The following AGAP1 variants were observed in gnomAD, a reference collection of about 807,000 sequenced individuals.
The protein encoded by AGAP1 is arf-GAP with GTPase, ANK repeat and PH domain-containing protein 1.
AGAP1 carries 29 observed loss-of-function variants against 105.3 expected under a neutral mutation model. The ratio of observed to expected loss-of-function variants is 0.28; its 90% CI spans 0.21 to 0.38. AGAP1 has a LOEUF of 0.38. Ranked by LOEUF, AGAP1 falls within the 10% of genes least tolerant of loss-of-function variation. The probability of loss-of-function intolerance (pLI) is 1.00; values close to 1 mark genes in which losing one functional copy is unlikely to be tolerated. For missense variants in AGAP1, 998 were observed against 1,165.1 expected (o/e 0.86, Z 2.09); for synonymous variants, 509 against 485.9 (o/e 1.05, Z -0.63).
Position 235,729,341 on chromosome 2 carries a change from G to A in AGAP1, c.311-11622G>A, listed in dbSNP as rs1450022545. Among the ~76,000 whole-genome samples, 2 of 152,160 alleles carry A rather than the reference G, an allele frequency of 1.3e-5. No homozygotes were observed. Among genetic ancestry groups the A allele is most frequent in the African/African-American group, 4.8e-5 (2 of 41,398 alleles). ...CCACTTCAACTTGGGCAGCATCTCG[G>A]CTGGGAGCCCCAGGGAGCCTGGCAG... is the stretch of plus-strand genomic sequence containing the variant. On this transcript the variant is annotated intron_variant, in intron 3 of 17. Transcript: ENST00000304032. The surrounding 1 kb of genome is among the most constrained non-coding windows in gnomAD (Gnocchi z 5.0).
intron 1 of AGAP1, among the ~76,000 whole-genome samples, chr2:235,512,524 G>T (rs1942190780): frequency 6.6e-6 from 1 of 152,192 alleles, no homozygotes; most frequent in African/African-American, 2.4e-5. Flanking sequence ...AGCCTAGGAG[G>T]TTGAGGCTGC....
Position 236,040,693 on chromosome 2 carries a change from G to A in AGAP1, c.1801-58G>A. The A allele has an allele frequency of 6.6e-7, 1 of 1,521,104 alleles. No homozygotes were observed. The highest frequency in any genetic ancestry group is 9.1e-7 in the Non-Finnish European group (1 of 1,099,230). 94.2% of individuals were successfully genotyped at this position (1,521,104 alleles called of 1,614,324 possible). ...TTGATCTTTCCCTGATGTTATCAGTGATGTGCGTTTCTCCCGGGGTGCTTA... is the reference window on the plus strand; with the variant it reads ...TTGATCTTTCCCTGATGTTATCAGTAATGTGCGTTTCTCCCGGGGTGCTTA... On this transcript the variant is annotated intron_variant, in intron 14 of 17. Coordinates refer to ENST00000304032, the MANE Select transcript of AGAP1 (RefSeq NM_001037131.3). The surrounding 1 kb of genome is among the most constrained non-coding windows in gnomAD (Gnocchi z 5.6).
At chr2:235,634,584 C>A (rs562573636) in intron 1 of AGAP1, among the ~76,000 whole-genome samples, 1 of 152,268 alleles carries the variant, frequency 6.6e-6, no homozygotes, top group South Asian at 2.1e-4. Flanking sequence ...CTAATTGTGA[C>A]CAAGACACTG....
chr2:235,539,177 G>A lies in AGAP1; in HGVS notation c.163+44328G>A, dbSNP rs1420401593. ...GAGATTGCTCTGCACACATGTGATT[G>A]CATCTAATCAGGACTTTTTCTGAAA... On this transcript the variant is annotated intron_variant, in intron 1 of 17. Coordinates refer to ENST00000304032, the MANE Select transcript of AGAP1 (RefSeq NM_001037131.3). Among the ~76,000 whole-genome samples, 4 of 152,208 alleles carry A rather than the reference G, an allele frequency of 2.6e-5. No individual in the cohort carries two copies. The East Asian group carries it at 7.7e-4, about 29-fold the overall frequency.
intron 8 of AGAP1, among the ~76,000 whole-genome samples, chr2:235,803,088 GTGGTGA>G (rs1957650624): frequency 1.2e-4 from 1 of 8,520 alleles, no homozygotes; most frequent in Non-Finnish European, 3.6e-4. Context: ...GATGATGGTT[GTGGTGA>G]TGGTGATGAT....
chr2:235,527,190 G>C lies in AGAP1; in HGVS notation c.163+32341G>C, dbSNP rs76630986. ...GGGTGACATCTGATGAGAGGAGGAG[G>C]ATTCAGGGAGCAGAATGAAGACATT... is the stretch of plus-strand genomic sequence containing the variant. On this transcript the variant is annotated intron_variant, in intron 1 of 17. Transcript: ENST00000304032. 2.1e-4 allele frequency among the ~76,000 whole-genome samples: 32 copies of C among 152,290 alleles called. 1 individual carries two copies. Among genetic ancestry groups the C allele is most frequent in the African/African-American group, 7.7e-4 (32 of 41,560 alleles).
chr2:235,856,908 G>A lies in AGAP1; in HGVS notation c.1051-26437G>A, dbSNP rs10165700. On this transcript the variant is annotated intron_variant, in intron 9 of 17. Transcript: ENST00000304032. ...GAGCACGCTTGGTTCCCACGCTGCG[G>A]TCCGGTTGGACGTGGTAGATGTGAG... is the stretch of plus-strand genomic sequence containing the variant. Among the ~76,000 whole-genome samples the A allele has an allele frequency of 2.5e-3, 385 of 152,382 alleles. 1 individual carries two copies. Among genetic ancestry groups the A allele is most frequent in the African/African-American group, 9.0e-3 (373 of 41,592 alleles).
chr2:236,100,239 A>G (rs2059312546), intron 16 of AGAP1, among the ~76,000 whole-genome samples: 1 of 152,086 alleles, frequency 6.6e-6, no homozygotes, highest in African/African-American at 2.4e-5. Flanking sequence ...TTGATTTTGC[A>G]TTATCAAAGT....
rs945737895 is a variant in AGAP1, at chr2:236,124,405, C to T, written c.*283C>T. The T allele has an allele frequency of 6.2e-6, 3 of 486,608 alleles. No individual in the cohort carries two copies. The highest frequency in any genetic ancestry group is 1.1e-5 in the Non-Finnish European group (3 of 265,098). 30.1% of individuals were successfully genotyped at this position (486,608 alleles called of 1,614,324 possible). On this transcript the variant is annotated 3_prime_UTR_variant, in exon 18 of 18. Transcript: ENST00000304032. The surrounding 1 kb of genome is among the most constrained non-coding windows in gnomAD (Gnocchi z 5.1). Reference sequence around the variant, plus strand: ...GGGCCTCGGCCCTTTGATGATAGCACATGGCGCAGGACCCTTGTCCTGGTG... The same window carrying T: ...GGGCCTCGGCCCTTTGATGATAGCATATGGCGCAGGACCCTTGTCCTGGTG...
Position 235,599,731 on chromosome 2 carries a change from T to C in AGAP1, c.163+104882T>C, listed in dbSNP as rs960483419. ...AGTGCCCTTTCTGGGTCCCACGTGA[T>C]TCTACCTGATCGCTGGCTCTCTAGG... On this transcript the variant is annotated intron_variant, in intron 1 of 17. Coordinates refer to ENST00000304032, the MANE Select transcript of AGAP1 (RefSeq NM_001037131.3). The surrounding 1 kb of genome is among the most constrained non-coding windows in gnomAD (Gnocchi z 5.3). Among the ~76,000 whole-genome samples the C allele has an allele frequency of 1.3e-5, 2 of 152,124 alleles. No homozygotes were observed. The highest frequency in any genetic ancestry group is 2.9e-5 in the Non-Finnish European group (2 of 68,018).
rs117984778 is a variant in AGAP1, at chr2:235,639,104, T to C, written c.164-70075T>C. ...GAGAGGGAGCTTCTAGAGGACTTGA[T>C]GGATGGAATTTGGTCAAGGCAGGAA... is the stretch of plus-strand genomic sequence containing the variant. On this transcript the variant is annotated intron_variant, in intron 1 of 17. Transcript: ENST00000304032. The surrounding 1 kb of genome is among the most constrained non-coding windows in gnomAD (Gnocchi z 5.3). Among the ~76,000 whole-genome samples, 124 of 152,100 alleles carry C rather than the reference T, an allele frequency of 8.2e-4. No individual in the cohort carries two copies. Among genetic ancestry groups the C allele is most frequent in the African/African-American group, 2.2e-3 (91 of 41,486 alleles).
At chr2:235,743,234 A>G (rs1485589492) in intron 4 of AGAP1, among the ~76,000 whole-genome samples, 2 of 152,224 alleles carry the variant, frequency 1.3e-5, no homozygotes. Context: ...GGGGTTATTT[A>G]TTGGGTGCCC....
At chr2:236,060,350 T>C (rs1005145609) in intron 16 of AGAP1, among the ~76,000 whole-genome samples, 39 of 152,218 alleles carry the variant, frequency 2.6e-4, no homozygotes, top group African/African-American at 8.4e-4. Context: ...GTGAAAACAT[T>C]TGAAAATTAA....
intron 1 of AGAP1, among the ~76,000 whole-genome samples, chr2:235,526,794 A>G (rs2149064531): frequency 6.6e-6 from 1 of 151,018 alleles, no homozygotes; most frequent in East Asian, 1.9e-4. Context: ...TTGGGTTCAG[A>G]ATAGTTATGA....
intron 10 of AGAP1, among the ~76,000 whole-genome samples, chr2:235,886,242 G>A (rs2050269676): frequency 6.6e-6 from 1 of 152,242 alleles, no homozygotes; most frequent in Non-Finnish European, 1.5e-5. Context: ...GTAAGTTAGA[G>A]AAGTGCAATC....
At chr2:235,849,811 A>AGG (rs1961966566) in intron 9 of AGAP1, among the ~76,000 whole-genome samples, 1 of 152,114 alleles carries the variant, frequency 6.6e-6, no homozygotes, top group African/African-American at 2.4e-5. Flanking sequence ...CCGCCCCTGG[A>AGG]GGGGAGGAAG....
In AGAP1 at chr2:235,801,825, T is replaced by G. The variant is rs1190597822; in HGVS notation, c.957+2303T>G. Among the ~76,000 whole-genome samples the G allele has an allele frequency of 1.3e-5, 2 of 152,156 alleles. No individual in the cohort carries two copies. The highest frequency in any genetic ancestry group is 2.9e-5 in the Non-Finnish European group (2 of 68,032). ...AGAGCACTCATTCTCAGACGCCTTC[T>G]GAGGGCCACATTTTCTGCTTGTTGA... is the stretch of plus-strand genomic sequence containing the variant. On this transcript the variant is annotated intron_variant, in intron 8 of 17. Transcript: ENST00000304032. The surrounding 1 kb of genome is among the most constrained non-coding windows in gnomAD (Gnocchi z 6.0).
chr2:235,689,611 G>T lies in AGAP1; in HGVS notation c.164-19568G>T, dbSNP rs1449903857. On this transcript the variant is annotated intron_variant, in intron 1 of 17. Coordinates refer to ENST00000304032, the MANE Select transcript of AGAP1 (RefSeq NM_001037131.3). This position sits in a 1 kb window ranked among gnomAD's most constrained non-coding sequence, Gnocchi z 4.2. ...TTGTTTCAGGCAAATAATTTCTGAT[G>T]GACACCAAATTGGCAGGTCACCATA... Among the ~76,000 whole-genome samples, 1 of 152,120 alleles carries T rather than the reference G, an allele frequency of 6.6e-6. No homozygotes were observed. The highest frequency in any genetic ancestry group is 1.5e-5 in the Non-Finnish European group (1 of 68,038).
At position 236,105,488 on chromosome 2, in the gene AGAP1, T is replaced by TAATA. The variant is rs937941033; in HGVS notation, c.2115-14703_2115-14702insATAA. ...TGGTGAGGGGCCTCTTCCTGGCTTA[T>TAATA]AGACAGATGCCTCTTGCAGTGTCCT... is the stretch of plus-strand genomic sequence containing the variant. On this transcript the variant is annotated intron_variant, in intron 16 of 17. Coordinates refer to ENST00000304032, the MANE Select transcript of AGAP1 (RefSeq NM_001037131.3). The surrounding 1 kb of genome is among the most constrained non-coding windows in gnomAD (Gnocchi z 4.2). Among the ~76,000 whole-genome samples, 2 of 151,538 alleles carry TAATA rather than the reference T, an allele frequency of 1.3e-5. No homozygotes were observed. The highest frequency in any genetic ancestry group is 2.9e-5 in the Non-Finnish European group (2 of 67,946).
Sources: allele counts gnomAD v4.1 joint callset (sites outside exome capture counted in the v4.1 genomes callset), GRCh38; gene constraint gnomAD v4.1.1; non-coding constraint Gnocchi (gnomAD v3.1); transcripts MANE v1.5; gene names NCBI Gene and HGNC (gene_info 2026-07-23, HGNC 2026-07-21).